The following SLIT3 variants were observed in gnomAD, a reference collection of about 807,000 sequenced individuals.
SLIT3 encodes the protein slit guidance ligand 3, also known as slit homolog 3 protein.
In SLIT3, 68 loss-of-function variants were observed where a neutral mutation model predicts 184.0. The observed-to-expected ratio is 0.37, with a 90% CI of 0.30 to 0.45. SLIT3 has a LOEUF of 0.45. Ranked by LOEUF, SLIT3 falls within the 20% of genes least tolerant of loss-of-function variation. The pLI is 1.00. For synonymous variants in SLIT3, 831 were observed against 828.6 expected, an observed-to-expected ratio of 1.00 and a Z score of -0.05; for missense variants, 1,707 against 2,026.0, an observed-to-expected ratio of 0.84 and a Z score of 3.02.
At chr5:168,988,919 A>G (rs1755223702) in intron 4 of SLIT3, among the ~76,000 whole-genome samples, 1 of 152,188 alleles carries the variant, frequency 6.6e-6, no homozygotes, top group African/African-American at 2.4e-5. Context: ...ATTTGTCCTC[A>G]CTGTTCACTG....
intron 21 of SLIT3, among the ~76,000 whole-genome samples, chr5:168,723,907 T>C (rs970561981): frequency 5.3e-5 from 8 of 152,118 alleles, no homozygotes; most frequent in Admixed American, 5.2e-4. Context: ...GTGAGGACCA[T>C]TGCTTTAGAG....
At chr5:168,943,819 C>T (rs1275515225) in intron 4 of SLIT3, among the ~76,000 whole-genome samples, 2 of 152,094 alleles carry the variant, frequency 1.3e-5, no homozygotes, top group African/African-American at 4.8e-5. Context: ...GGGACAAACA[C>T]CTTGAATTAG....
At chr5:169,150,668 T>G (rs1314163567) in intron 4 of SLIT3, among the ~76,000 whole-genome samples, 1 of 152,166 alleles carries the variant, frequency 6.6e-6, no homozygotes, top group African/African-American at 2.4e-5. Flanking sequence ...AAAGGCTGAC[T>G]TAAGAGTCAG....
chr5:168,690,402 T>A (rs1424256852), intron 29 of SLIT3, among the ~76,000 whole-genome samples: 1 of 152,182 alleles, frequency 6.6e-6, no homozygotes, highest in Non-Finnish European at 1.5e-5. Flanking sequence ...CCTCTGAGCT[T>A]GCTGTCCACT....
intron 12 of SLIT3, among the ~76,000 whole-genome samples, chr5:168,785,224 C>A (rs1210696935): frequency 1.3e-5 from 2 of 152,162 alleles, no homozygotes. Flanking sequence ...ATGATTTTAC[C>A]AGCACAAAAA....
chr5:169,205,952 C>A (rs1245112531), intron 3 of SLIT3, among the ~76,000 whole-genome samples: 1 of 152,198 alleles, frequency 6.6e-6, no homozygotes, highest in African/African-American at 2.4e-5. Flanking sequence ...GCAGAGGCAG[C>A]TTCAGAACAG....
intron 4 of SLIT3, among the ~76,000 whole-genome samples, chr5:168,922,990 G>A (rs758697638): frequency 5.9e-5 from 9 of 152,226 alleles, no homozygotes; most frequent in Admixed American, 1.3e-4. Context: ...GAGTAGATAC[G>A]GAAAGTGAGG....
chr5:169,083,662 C>G (rs368826997), intron 4 of SLIT3, among the ~76,000 whole-genome samples: 6 of 152,262 alleles, frequency 3.9e-5, no homozygotes, highest in African/African-American at 1.2e-4. Flanking sequence ...CGGGGAAGAC[C>G]AAACACGGTC....
intron 4 of SLIT3, among the ~76,000 whole-genome samples, chr5:169,016,994 G>A (rs536324915): frequency 2.6e-5 from 4 of 152,248 alleles, no homozygotes; most frequent in African/African-American, 7.2e-5. Context: ...ATCCAGCTCC[G>A]TCTCTAAGCT....
intron 3 of SLIT3, among the ~76,000 whole-genome samples, chr5:169,240,898 T>A (rs1387607261): frequency 6.6e-6 from 1 of 151,560 alleles, no homozygotes; most frequent in East Asian, 1.9e-4. Context: ...TTAGAGGCTA[T>A]GCTACAGATT....
intron 5 of SLIT3, among the ~76,000 whole-genome samples, chr5:168,875,617 A>G (rs1007653419): frequency 1.3e-5 from 2 of 151,878 alleles, no homozygotes; most frequent in African/African-American, 2.4e-5. Context: ...CTGGGCAACA[A>G]GAGCAAAACT....
chr5:169,224,036 C>T (rs975735639), intron 3 of SLIT3, among the ~76,000 whole-genome samples: 2 of 152,118 alleles, frequency 1.3e-5, no homozygotes, highest in Non-Finnish European at 2.9e-5. Flanking sequence ...GAAGATACAT[C>T]GGATTAGGAA....
chr5:168,861,737 T>C (rs151155502), intron 5 of SLIT3, among the ~76,000 whole-genome samples: 80 of 152,266 alleles, frequency 5.3e-4, no homozygotes, highest in African/African-American at 1.5e-3. Flanking sequence ...TTCTAATGGC[T>C]GGAAAGGTGT....
intron 10 of SLIT3, among the ~76,000 whole-genome samples, chr5:168,795,008 G>T (rs970435449): frequency 9.9e-5 from 15 of 152,168 alleles, no homozygotes; most frequent in Non-Finnish European, 2.1e-4. Context: ...TGCAAGCTCC[G>T]TGAGAGCAGA....
intron 4 of SLIT3, among the ~76,000 whole-genome samples, chr5:169,075,488 C>T (rs550449304): frequency 1.3e-5 from 2 of 152,276 alleles, no homozygotes; most frequent in East Asian, 3.9e-4. Flanking sequence ...AAGTTGAAGG[C>T]ATTTTGTTAA....
intron 30 of SLIT3, among the ~76,000 whole-genome samples, chr5:168,686,216 G>A (rs1761740011): frequency 6.6e-6 from 1 of 152,200 alleles, no homozygotes; most frequent in Non-Finnish European, 1.5e-5. Context: ...TCAGGCTGCG[G>A]AACAGAGCAA....
chr5:168,825,498 C>T (rs1757670481), intron 6 of SLIT3, among the ~76,000 whole-genome samples: 1 of 151,878 alleles, frequency 6.6e-6, no homozygotes, highest in Non-Finnish European at 1.5e-5. Context: ...ATGTGTCTGA[C>T]ACTGTTAGGC....
intron 4 of SLIT3, among the ~76,000 whole-genome samples, chr5:169,188,992 G>T (rs145761116): frequency 2.0e-5 from 3 of 152,108 alleles, no homozygotes; most frequent in African/African-American, 7.2e-5. Context: ...CATGATCTAC[G>T]TCAGGATGGC....
chr5:169,061,600 A>G (rs887139735), intron 4 of SLIT3, among the ~76,000 whole-genome samples: 1 of 152,200 alleles, frequency 6.6e-6, no homozygotes, highest in Non-Finnish European at 1.5e-5. Context: ...TGACCTTACT[A>G]CAAGGGCTCT....
Sources: allele counts gnomAD v4.1 joint callset (sites outside exome capture counted in the v4.1 genomes callset), GRCh38; gene constraint gnomAD v4.1.1; transcripts MANE v1.5; gene names NCBI Gene and HGNC (gene_info 2026-07-23, HGNC 2026-07-21).